Variants in AGPAT5 observed in about 807,000 individuals in gnomAD.
AGPAT5 encodes 1-acylglycerol-3-phosphate O-acyltransferase 5, also known as 1-acyl-sn-glycerol-3-phosphate acyltransferase epsilon.
A neutral mutation model predicts 45.6 loss-of-function variants in AGPAT5; 46 were observed. The observed-to-expected ratio is 1.01, with a 90% CI of 0.80 to 1.29. The LOEUF (loss-of-function observed/expected upper bound fraction) is 1.29. AGPAT5 is among the 50% of genes most tolerant of loss of function. AGPAT5 has a pLI of 0.00. For synonymous variants in AGPAT5, 272 were observed against 167.0 expected (o/e 1.63, Z -4.85); for missense variants, 673 against 450.7 (o/e 1.49, Z -4.47).
intron 6 of AGPAT5, among the ~76,000 whole-genome samples, chr8:6,754,264 T>G (rs150224453): frequency 1.3e-5 from 2 of 152,308 alleles, no homozygotes; most frequent in African/African-American, 4.8e-5. Flanking sequence ...GACTGTCTCC[T>G]TTTTTCAAAT....
intron 1 of AGPAT5, among the ~76,000 whole-genome samples, chr8:6,711,199 C>G (rs1287541677): frequency 1.3e-5 from 2 of 152,160 alleles, no homozygotes; most frequent in East Asian, 3.8e-4. Context: ...AATTTTTAAG[C>G]TGAAGAGAAG....
intron 6 of AGPAT5, 126 bp downstream of exon 6, chr8:6,747,954 T>A (rs900120174): frequency 2.0e-6 from 2 of 989,608 alleles, no homozygotes; most frequent in Admixed American, 3.2e-5. Context: ...CCCGGTATAT[T>A]TTTCAAGATG....
chr8:6,755,332 T>G (rs1054075282), intron 7 of AGPAT5, among the ~76,000 whole-genome samples, 158 bp downstream of exon 7: 6 of 152,382 alleles, frequency 3.9e-5, no homozygotes, highest in Admixed American at 2.0e-4. Context: ...TTTTAAACTT[T>G]ACTTGTACAA....
intron 1 of AGPAT5, among the ~76,000 whole-genome samples, chr8:6,723,345 C>G (rs1363115459): frequency 6.6e-6 from 1 of 152,124 alleles, no homozygotes; most frequent in African/African-American, 2.4e-5. Flanking sequence ...ACCACCATGC[C>G]TGGCTAATCT....
At chr8:6,718,292 T>C (rs7357377) in intron 1 of AGPAT5, among the ~76,000 whole-genome samples, 3,394 of 152,218 alleles carry the variant, frequency 0.022, 127 homozygotes, top group African/African-American at 0.077. Context: ...TTGCTGTGGG[T>C]GGTAGAGCAG....
At chr8:6,748,720 G>T (rs1038210190) in intron 6 of AGPAT5, among the ~76,000 whole-genome samples, 3 of 152,162 alleles carry the variant, frequency 2.0e-5, no homozygotes, top group East Asian at 3.9e-4. Flanking sequence ...GGCCAGGCTG[G>T]TCTCAAACTC....
intron 4 of AGPAT5, chr8:6,738,491 T>C (rs1587040907): frequency 6.6e-6 from 1 of 152,136 alleles, no homozygotes; most frequent in East Asian, 1.9e-4. Flanking sequence ...CAGATCACAA[T>C]AACAGATATA....
chr8:6,741,770 G>C lies in AGPAT5; in HGVS notation c.586+19G>C, dbSNP rs1359527788. The C allele has an allele frequency of 6.4e-7, 1 of 1,552,840 alleles. No individual in the cohort carries two copies. The highest frequency in any genetic ancestry group is 8.8e-7 in the Non-Finnish European group (1 of 1,136,048). On this transcript the variant is annotated intron_variant, in intron 5 of 7. Coordinates refer to ENST00000285518, the MANE Select transcript of AGPAT5 (RefSeq NM_018361.5). ...CAACGTGGTAAGTAAAAATTTGAGT[G>C]TTTGAACAAATAATTTTCAAAGATA...
At chr8:6,723,344 C>T (rs1470482174) in intron 1 of AGPAT5, among the ~76,000 whole-genome samples, 1 of 152,106 alleles carries the variant, frequency 6.6e-6, no homozygotes, top group Non-Finnish European at 1.5e-5. Flanking sequence ...CACCACCATG[C>T]CTGGCTAATC....
rs141685891 is a variant in AGPAT5, at chr8:6,760,461, C to G, written c.*3073C>G. On this transcript the variant is annotated 3_prime_UTR_variant, in exon 8 of 8. Transcript: ENST00000285518. ...CTTATTATAGACACACAGTAACTCC[C>G]AGATATGTACCACAAAAAATGTGAA... Among the ~76,000 whole-genome samples, 1 of 152,008 alleles carries G rather than the reference C, an allele frequency of 6.6e-6. No individual in the cohort carries two copies. Among genetic ancestry groups the G allele is most frequent in the East Asian group, 1.9e-4 (1 of 5,184 alleles).
At chr8:6,733,974 T>A (rs754815754) in intron 4 of AGPAT5, among the ~76,000 whole-genome samples, 37 of 152,318 alleles carry the variant, frequency 2.4e-4, no homozygotes, top group Non-Finnish European at 3.8e-4. Flanking sequence ...TCTTTACACT[T>A]GTCATGTGTC....
At position 6,708,791 on chromosome 8, in the gene AGPAT5, C is replaced by T; in HGVS notation, c.123C>T (p.Phe41=). The T allele has an allele frequency of 6.2e-7, 1 of 1,610,228 alleles. No individual in the cohort carries two copies. Among genetic ancestry groups the T allele is most frequent in the Non-Finnish European group, 8.5e-7 (1 of 1,179,690 alleles). ...AWGVWRLLSA[F]LPARFYQALD... is the part of the protein sequence containing the mutation. ...GGGTCTGGCGGCTGCTCTCCGCCTT[C>T]CTGCCCGCCCGCTTCTACCAAGCGC... The change falls in exon 1 of 8, where the codon TTC becomes TTT. Residue 41 remains phenylalanine, a synonymous_variant. Transcript: ENST00000285518.
At chr8:6,742,398 A>T (rs889128535) in intron 5 of AGPAT5, among the ~76,000 whole-genome samples, 9 of 152,244 alleles carry the variant, frequency 5.9e-5, no homozygotes, top group African/African-American at 2.2e-4. Flanking sequence ...ATTTAACCAA[A>T]TTGGGAAGTA....
chr8:6,710,815 C>CA (rs1398534747), intron 1 of AGPAT5, among the ~76,000 whole-genome samples: 1 of 152,142 alleles, frequency 6.6e-6, no homozygotes, highest in Non-Finnish European at 1.5e-5. Flanking sequence ...GATGTTCTGT[C>CA]ACCTTATTTT....
intron 5 of AGPAT5, among the ~76,000 whole-genome samples, chr8:6,744,944 A>C (rs908274608): frequency 6.6e-6 from 1 of 152,204 alleles, no homozygotes; most frequent in African/African-American, 2.4e-5. Context: ...TTCTGCAGCC[A>C]AGCCAGGCCA....
intron 1 of AGPAT5, among the ~76,000 whole-genome samples, chr8:6,720,336 C>T (rs1310561199): frequency 6.6e-6 from 1 of 152,136 alleles, no homozygotes; most frequent in Non-Finnish European, 1.5e-5. Flanking sequence ...GATAGTTTTC[C>T]TTATGATGTT....
intron 1 of AGPAT5, among the ~76,000 whole-genome samples, chr8:6,711,242 C>T (rs1800147906): frequency 1.3e-5 from 2 of 152,208 alleles, no homozygotes; most frequent in African/African-American, 2.4e-5. Flanking sequence ...ATGATCTGTG[C>T]TTGGCAGGTA....
intron 2 of AGPAT5, among the ~76,000 whole-genome samples, chr8:6,729,022 C>T (rs973125543): frequency 6.6e-6 from 1 of 152,126 alleles, no homozygotes; most frequent in African/African-American, 2.4e-5. Context: ...TTGCAAGCAA[C>T]ATTCTACTTA....
At chr8:6,714,065 G>A (rs530043819) in intron 1 of AGPAT5, among the ~76,000 whole-genome samples, 2 of 152,294 alleles carry the variant, frequency 1.3e-5, no homozygotes, top group African/African-American at 2.4e-5. Context: ...AAGTCATCTA[G>A]TCTACTCCCT....
Sources: allele counts gnomAD v4.1 joint callset (sites outside exome capture counted in the v4.1 genomes callset), GRCh38; gene constraint gnomAD v4.1.1; transcripts MANE v1.5; gene names NCBI Gene and HGNC (gene_info 2026-07-23, HGNC 2026-07-21).